The following PSMD1 variants were observed in gnomAD, a reference collection of about 807,000 sequenced individuals.
PSMD1 encodes the protein 26S proteasome non-ATPase regulatory subunit 1.
PSMD1 carries 18 observed loss-of-function variants against 119.0 expected under a neutral mutation model. The observed-to-expected ratio is 0.15, with a 90% CI of 0.10 to 0.22. The LOEUF is 0.22. Ranked by LOEUF, PSMD1 falls within the 10% of genes least tolerant of loss-of-function variation. The probability of loss-of-function intolerance (pLI) is 1.00; values close to 1 mark genes in which losing one functional copy is unlikely to be tolerated. For synonymous variants in PSMD1, 374 were observed against 396.6 expected, an observed-to-expected ratio of 0.94 and a Z score of 0.68; for missense variants, 702 against 1,158.5, an observed-to-expected ratio of 0.61 and a Z score of 5.72.
chr2:231,072,489 A>G lies in PSMD1; in HGVS notation c.881+74A>G, dbSNP rs1281284723. On this transcript the variant is annotated intron_variant, in intron 7 of 24. Transcript: ENST00000308696. Reference sequence around the variant, plus strand: ...CATTTTGGGGACAGGTAGAATATTTATAGGAAGCATATTCTAAGAATAAAT... The same window carrying G: ...CATTTTGGGGACAGGTAGAATATTTGTAGGAAGCATATTCTAAGAATAAAT... The G allele has an allele frequency of 7.6e-6, 10 of 1,308,350 alleles. No individual in the cohort carries two copies. The African/African-American group carries it at 8.9e-5, about 12-fold the overall frequency. 81.0% of individuals were successfully genotyped at this position (1,308,350 alleles called of 1,614,324 possible).
chr2:231,163,657 C>T lies in PSMD1; in HGVS notation c.2411C>T (p.Ser804Leu). Reference sequence around the variant, plus strand: ...CAGATGCCGAAAGTTCAGTATAAATCGAACTGTAAACCATCCACATTTGCA... The same window carrying T: ...CAGATGCCGAAAGTTCAGTATAAATTGAACTGTAAACCATCCACATTTGCA... ...DLKMPKVQYK[S>L]NCKPSTFAYP... is the part of the protein sequence containing the mutation. The change falls in exon 21 of 25, where the codon TCG (serine) becomes TTG (leucine). Residue 804 changes from serine (S) to leucine (L), a missense_variant. By Grantham distance (145) the Ser-to-Leu change is moderately radical. This residue lies in a region of PSMD1 where 152 missense variants were observed against 239.3 expected (regional missense o/e 0.64). Coordinates refer to ENST00000308696, the MANE Select transcript of PSMD1 (RefSeq NM_002807.4). The T allele has an allele frequency of 1.9e-6, 3 of 1,612,110 alleles. No homozygotes were observed. Among genetic ancestry groups the T allele is most frequent in the Non-Finnish European group, 2.5e-6 (3 of 1,178,632 alleles).
Position 231,122,018 on chromosome 2 carries a change from T to C in PSMD1, c.1884-16718T>C, listed in dbSNP as rs146533262. ...TATATTTCTACATAATACTTTCTTT[T>C]AAGCTTTATTCAGAATTAGGGTTAT... On this transcript the variant is annotated intron_variant, in intron 16 of 24. Transcript: ENST00000308696. Among the ~76,000 whole-genome samples, 133 of 152,304 alleles carry C rather than the reference T, an allele frequency of 8.7e-4. 1 individual carries two copies. The highest frequency in any genetic ancestry group is 3.0e-3 in the African/African-American group (123 of 41,586).
intron 21 of PSMD1, 142 bp from the exon 22 acceptor site, chr2:231,165,029 TATATTTATATATATATATATATATATATA>T (rs1559255828): frequency 0.018 from 450 of 24,650 alleles, 18 homozygotes; most frequent in African/African-American, 0.18. Context: ...TTGATTTATA[TATATTTATATATATATATATATATATATA>T]TATATATATA....
At chr2:231,134,298 T>C (rs1196128286) in intron 16 of PSMD1, among the ~76,000 whole-genome samples, 1 of 152,210 alleles carries the variant, frequency 6.6e-6, no homozygotes, top group Non-Finnish European at 1.5e-5. Flanking sequence ...TTCTGTGTTA[T>C]CTGTGTGTTT....
chr2:231,113,569 G>C (rs994046407), intron 16 of PSMD1, among the ~76,000 whole-genome samples: 1 of 152,194 alleles, frequency 6.6e-6, no homozygotes, highest in South Asian at 2.1e-4. Flanking sequence ...TTTAGAAGGC[G>C]TATGATAAAT....
At chr2:231,085,969 A>T (rs1364942669) in intron 15 of PSMD1, among the ~76,000 whole-genome samples, 1 of 152,048 alleles carries the variant, frequency 6.6e-6, no homozygotes, top group Non-Finnish European at 1.5e-5. Flanking sequence ...TAATTTTTTT[A>T]GCAGTGCAGT....
chr2:231,099,427 C>G (rs889733015), intron 16 of PSMD1, among the ~76,000 whole-genome samples: 1 of 152,304 alleles, frequency 6.6e-6, no homozygotes, highest in East Asian at 1.9e-4. Context: ...AGGTGGGTCC[C>G]TGAGTCCAAA....
At chr2:231,059,066 T>C (rs1433802157) in intron 1 of PSMD1, among the ~76,000 whole-genome samples, 1 of 152,214 alleles carries the variant, frequency 6.6e-6, no homozygotes, top group African/African-American at 2.4e-5. Context: ...AAGAGCTCAG[T>C]CAGCCAGTCA....
intron 23 of PSMD1, among the ~76,000 whole-genome samples, chr2:231,167,539 A>G (rs575310099): frequency 6.6e-6 from 1 of 152,316 alleles, no homozygotes; most frequent in South Asian, 2.1e-4. Context: ...CAAGGAAGAA[A>G]TGAGGAATCC....
intron 16 of PSMD1, chr2:231,109,489 T>C: frequency 1.7e-6 from 2 of 1,202,408 alleles, no homozygotes; most frequent in Non-Finnish European, 2.4e-6. Context: ...GATTGTATCC[T>C]TATAACTTTA....
In PSMD1 at chr2:231,161,410, C is replaced by A. The variant is rs1316657410; in HGVS notation, c.2289C>A (p.Val763=). ...CTCATATGCCTTCTGTGGTTGGCGT[C>A]CTTGTATTTACCCAGTTTTGGTTCT... is the stretch of plus-strand genomic sequence containing the variant. ...GHTHMPSVVG[V]LVFTQFWFWF... Residue 763 remains valine, a synonymous_variant, in exon 20 of 25, where the codon GTC becomes GTA. Coordinates refer to ENST00000308696, the MANE Select transcript of PSMD1 (RefSeq NM_002807.4). The A allele has an allele frequency of 6.2e-7, 1 of 1,613,846 alleles. No individual in the cohort carries two copies. The highest frequency in any genetic ancestry group is 8.5e-7 in the Non-Finnish European group (1 of 1,179,754).
intron 16 of PSMD1, among the ~76,000 whole-genome samples, chr2:231,132,480 T>C (rs910111575): frequency 3.3e-5 from 5 of 152,194 alleles, no homozygotes; most frequent in Non-Finnish European, 5.9e-5. Flanking sequence ...GCTTGTTTTA[T>C]ATTTTGATAA....
At chr2:231,074,349 G>A (rs184856422) in intron 7 of PSMD1, among the ~76,000 whole-genome samples, 4 of 152,084 alleles carry the variant, frequency 2.6e-5, no homozygotes, top group Admixed American at 2.0e-4. Context: ...CAGGTGATCC[G>A]CTTGCCTCAG....
intron 6 of PSMD1, among the ~76,000 whole-genome samples, chr2:231,071,986 A>T (rs1019335121): frequency 7.9e-5 from 12 of 152,132 alleles, no homozygotes; most frequent in African/African-American, 2.9e-4. Flanking sequence ...ATTTGTATGA[A>T]TTTTTTTATG....
chr2:231,073,943 C>T (rs1286266770), intron 7 of PSMD1, among the ~76,000 whole-genome samples: 1 of 151,874 alleles, frequency 6.6e-6, no homozygotes, highest in Non-Finnish European at 1.5e-5. Context: ...TTATTGGCAT[C>T]TTGGTCATCT....
intron 23 of PSMD1, among the ~76,000 whole-genome samples, chr2:231,167,962 C>T (rs148375161): frequency 2.6e-5 from 4 of 152,332 alleles, no homozygotes; most frequent in African/African-American, 7.2e-5. Context: ...CACTTACAGT[C>T]CCAGCTACAT....
rs1209543557 is a variant in PSMD1, at chr2:231,170,143, T to C, written c.2716-423T>C. ...CTTGTTAGAATGCAGATTCTGCAGATCTAGGGTGGGGCCAGCTTTTCTGCA... is the reference window on the plus strand; with the variant it reads ...CTTGTTAGAATGCAGATTCTGCAGACCTAGGGTGGGGCCAGCTTTTCTGCA... On this transcript the variant is annotated intron_variant, in intron 23 of 24. Transcript: ENST00000308696. This position sits in a 1 kb window ranked among gnomAD's most constrained non-coding sequence, Gnocchi z 4.1. 6.6e-6 allele frequency among the ~76,000 whole-genome samples: 1 copy of C among 152,224 alleles called. No homozygotes were observed. Among genetic ancestry groups the C allele is most frequent in the Non-Finnish European group, 1.5e-5 (1 of 68,036 alleles).
intron 16 of PSMD1, among the ~76,000 whole-genome samples, chr2:231,119,869 CAAAAAAAA>C (rs78246469): frequency 1.2e-5 from 1 of 80,056 alleles, no homozygotes; most frequent in Non-Finnish European, 2.5e-5. Flanking sequence ...GACTCCGTCT[CAAAAAAAA>C]AAAAAAAAAA....
chr2:231,087,179 C>G lies in PSMD1; in HGVS notation c.1881C>G (p.Phe627Leu). Reference protein sequence around the residue: ...AAVESLGFILFRTPEQCPSVV... With the variant: ...AAVESLGFILLRTPEQCPSVV... ...TAGAATCACTTGGGTTCATTCTATTCAGGTAATAACTTCAAACTTCTTATT... is the reference window on the plus strand; with the variant it reads ...TAGAATCACTTGGGTTCATTCTATTGAGGTAATAACTTCAAACTTCTTATT... Residue 627 changes from phenylalanine to leucine, a missense_variant and splice_region_variant, in exon 16 of 25, where the codon TTC becomes TTG. Transcript: ENST00000308696. The G allele has an allele frequency of 6.2e-7, 1 of 1,611,866 alleles. No homozygotes were observed. Among genetic ancestry groups the G allele is most frequent in the Non-Finnish European group, 8.5e-7 (1 of 1,178,334 alleles).
Sources: allele counts gnomAD v4.1 joint callset (sites outside exome capture counted in the v4.1 genomes callset), GRCh38; gene constraint gnomAD v4.1.1; regional missense constraint gnomAD v4.1.1; non-coding constraint Gnocchi (gnomAD v3.1); transcripts MANE v1.5; gene names NCBI Gene and HGNC (gene_info 2026-07-23, HGNC 2026-07-21).